RBPJ: variants seen among roughly 807,000 people sequenced by gnomAD.
RBPJ encodes recombining binding protein suppressor of hairless.
In RBPJ, 9 loss-of-function variants were observed where a neutral mutation model predicts 67.8. That is an observed-to-expected ratio of 0.13 (90% CI 0.08 to 0.23). The LOEUF is 0.23. Among genes scored for constraint, RBPJ ranks in the 10% least tolerant of loss-of-function variants. The pLI, the probability that RBPJ is intolerant of heterozygous loss-of-function variation, is 1.00. For synonymous variants in RBPJ, 198 were observed against 203.3 expected (o/e 0.97, Z 0.22); for missense variants, 305 against 595.6 (o/e 0.51, Z 5.08).
At chr4:26,268,690 G>A (rs1720784796) in intron 1 of RBPJ, among the ~76,000 whole-genome samples, 1 of 151,608 alleles carries the variant, frequency 6.6e-6, no homozygotes, top group African/African-American at 2.4e-5. Context: ...TCACAACTTG[G>A]AAACTAAAAA....
At chr4:26,204,863 G>A (rs1718114911) in intron 1 of RBPJ, among the ~76,000 whole-genome samples, 1 of 152,190 alleles carries the variant, frequency 6.6e-6, no homozygotes, top group Non-Finnish European at 1.5e-5. Flanking sequence ...GTTAGTGTGT[G>A]CCCTGGAGCA....
chr4:26,115,470 C>T, the RBPJ span, among the ~76,000 whole-genome samples: 1 of 152,052 alleles, frequency 6.6e-6, no homozygotes, highest in Non-Finnish European at 1.5e-5. Context: ...CTGCAAGCTC[C>T]GCCTCCTGGG....
rs552171761 is a variant in RBPJ, at chr4:26,387,727, G to A, written c.59+1336G>A. Reference sequence around the variant, plus strand: ...CATGCGTGTGTAAGAAAACTACTCCGTGGTGGGGATTGGGGAAAAATATCC... The same window carrying A: ...CATGCGTGTGTAAGAAAACTACTCCATGGTGGGGATTGGGGAAAAATATCC... On this transcript the variant is annotated intron_variant, in intron 2 of 10. Transcript: ENST00000355476. Among the ~76,000 whole-genome samples, 53 of 152,270 alleles carry A rather than the reference G, an allele frequency of 3.5e-4. No homozygotes were observed. In the Middle Eastern group the frequency reaches 0.01, roughly 29 times the overall value.
chr4:26,429,889 C>G lies in RBPJ; in HGVS notation c.889-9C>G. The G allele has an allele frequency of 6.2e-7, 1 of 1,611,010 alleles. No individual in the cohort carries two copies. The highest frequency in any genetic ancestry group is 8.5e-7 in the Non-Finnish European group (1 of 1,179,098). On this transcript the variant is annotated splice_polypyrimidine_tract_variant and intron_variant, in intron 8 of 10. Coordinates refer to ENST00000355476, the MANE Select transcript of RBPJ (RefSeq NM_015874.6). Reference sequence around the variant, plus strand: ...TAAAACTTAGTTTCTAAACTTCTTTCTTTATTAGGCCACTCCATGTCCAAA... The same window carrying G: ...TAAAACTTAGTTTCTAAACTTCTTTGTTTATTAGGCCACTCCATGTCCAAA...
chr4:26,362,323 A>ACC lies in RBPJ; in HGVS notation c.21-24029_21-24028insCC, dbSNP rs1728151402. On this transcript the variant is annotated intron_variant, in intron 1 of 10. Transcript: ENST00000355476. ...CATATGAGGGTTCACATTAAAAATG[A>ACC]CAGTGTTACACAGGGTAGCAGCAGC... 1.0e-5 allele frequency: 4 copies of ACC among 383,846 alleles called. No individual in the cohort carries two copies. In the East Asian group the frequency reaches 1.7e-4, roughly 16 times the overall value. 23.8% of individuals were successfully genotyped at this position (383,846 alleles called of 1,614,324 possible).
In RBPJ at chr4:26,255,801, C is replaced by CAA. The variant is rs34958199; in HGVS notation, c.-167+92203_-167+92204dup. The stretch of plus-strand genomic sequence containing the variant: ...TGGGCAACAGAGCAAGACTCCGTCT[C>CAA]AAAAAAAAAAAAAAAAAGAAAAGAA... On this transcript the variant is annotated intron_variant, in intron 1 of 4. Coordinates refer to the RBPJ transcript ENST00000512351. 8.6e-4 allele frequency among the ~76,000 whole-genome samples: 65 copies of CAA among 75,242 alleles called. 1 individual carries two copies. Among genetic ancestry groups the CAA allele is most frequent in the East Asian group, 8.0e-3 (18 of 2,242 alleles). The allele number at this position is 75,242 out of a possible 152,430, so 49.4% of individuals were successfully genotyped here.
the RBPJ span, among the ~76,000 whole-genome samples, chr4:26,137,504 C>T: frequency 1.1e-3 from 170 of 152,306 alleles, no homozygotes; most frequent in African/African-American, 3.9e-3. Flanking sequence ...CATCAGAGTA[C>T]TATGGAGAGA....
intron 1 of RBPJ, among the ~76,000 whole-genome samples, chr4:26,304,396 G>A (rs1722168978): frequency 6.6e-6 from 1 of 152,098 alleles, no homozygotes; most frequent in Admixed American, 6.5e-5. Flanking sequence ...TAACTCTATC[G>A]TTACCCTTTG....
chr4:26,137,625 C>T, the RBPJ span, among the ~76,000 whole-genome samples: 1 of 152,156 alleles, frequency 6.6e-6, no homozygotes, highest in South Asian at 2.1e-4. Context: ...GAATATAATG[C>T]CTGGCTGCTG....
intron 1 of RBPJ, among the ~76,000 whole-genome samples, chr4:26,189,863 G>A (rs1281449941): frequency 1.3e-5 from 2 of 152,184 alleles, no homozygotes; most frequent in Non-Finnish European, 2.9e-5. Flanking sequence ...GGGCTCAGCT[G>A]TTGTCAGGTG....
rs777521133 is a variant in RBPJ at position 26,431,577 on chromosome 4, GT to G, written c.*582del. On this transcript the variant is annotated 3_prime_UTR_variant, in exon 11 of 11. Transcript: ENST00000355476. ...TGTTTAATCTATCATACTCTTCCAGGTTTTTTTTTTTTGGTCTAAGGCTGGA... is the reference window on the plus strand; with the variant it reads ...TGTTTAATCTATCATACTCTTCCAGGTTTTTTTTTTTGGTCTAAGGCTGGA... 1.3e-3 allele frequency: 180 copies of G among 140,794 alleles called. No homozygotes were observed. Among genetic ancestry groups the G allele is most frequent in the East Asian group, 1.2e-3 (6 of 4,890 alleles). 8.7% of individuals were successfully genotyped at this position (140,794 alleles called of 1,614,324 possible).
intron 3 of RBPJ, chr4:26,410,101 C>T: frequency 6.6e-6 from 3 of 451,922 alleles, no homozygotes; most frequent in Non-Finnish European, 1.3e-5. Flanking sequence ...GTCAAACTGC[C>T]CTGGATTCAG....
At chr4:26,224,215 T>C (rs985395441) in intron 1 of RBPJ, among the ~76,000 whole-genome samples, 7 of 151,344 alleles carry the variant, frequency 4.6e-5, no homozygotes, top group Non-Finnish European at 8.9e-5. Context: ...CCATTGTGCA[T>C]TCTGTTCCGT....
chr4:26,146,227 A>C, the RBPJ span, among the ~76,000 whole-genome samples: 1 of 152,220 alleles, frequency 6.6e-6, no homozygotes, highest in Non-Finnish European at 1.5e-5. Context: ...GATTACAGGC[A>C]TGAGCCAGTG....
chr4:26,372,533 A>G (rs1482440110), intron 1 of RBPJ, among the ~76,000 whole-genome samples: 1 of 152,236 alleles, frequency 6.6e-6, no homozygotes, highest in African/African-American at 2.4e-5. Flanking sequence ...ATAGCATAGC[A>G]AAGTATCAAG....
At chr4:26,232,076 A>C (rs1362752925) in intron 1 of RBPJ, among the ~76,000 whole-genome samples, 2 of 151,152 alleles carry the variant, frequency 1.3e-5, no homozygotes, top group Non-Finnish European at 2.9e-5. Context: ...TTGTATTTTT[A>C]GTAGAGACGG....
chr4:26,167,588 G>T (rs944846560), intron 1 of RBPJ, among the ~76,000 whole-genome samples: 18 of 142,196 alleles, frequency 1.3e-4, no homozygotes, highest in Admixed American at 5.0e-4. Context: ...CTTTGCTGAA[G>T]TTGCTTATCA....
chr4:26,206,426 T>G lies in RBPJ; in HGVS notation c.-167+42812T>G, dbSNP rs188234343. On this transcript the variant is annotated intron_variant, in intron 1 of 4. Transcript: ENST00000512351. ...CAGGAGCTCACTGTGGTGCTCTGCTTTCCGAGAGTTTATGTGTAACTTCCT... is the reference window on the plus strand; with the variant it reads ...CAGGAGCTCACTGTGGTGCTCTGCTGTCCGAGAGTTTATGTGTAACTTCCT... Among the ~76,000 whole-genome samples the G allele has an allele frequency of 3.6e-3, 543 of 152,308 alleles. 2 individuals carry two copies. The highest frequency in any genetic ancestry group is 6.2e-3 in the Non-Finnish European group (422 of 68,020).
intron 1 of RBPJ, among the ~76,000 whole-genome samples, chr4:26,214,207 GAGAA>G (rs1718534736): frequency 1.4e-5 from 2 of 144,160 alleles, no homozygotes; most frequent in Non-Finnish European, 3.0e-5. Flanking sequence ...GAAGGAAGGA[GAGAA>G]AGAAAGCAAA....
Sources: allele counts gnomAD v4.1 joint callset (sites outside exome capture counted in the v4.1 genomes callset), GRCh38; gene constraint gnomAD v4.1.1; transcripts MANE v1.5; gene names NCBI Gene and HGNC (gene_info 2026-07-23, HGNC 2026-07-21).